The following NEBL variants were observed in gnomAD, a reference collection of about 807,000 sequenced individuals.
NEBL encodes the protein LIM and SH3 protein 2.
Under a neutral mutation model 140.2 loss-of-function variants are expected in NEBL, and 122 were observed. The ratio of observed to expected loss-of-function variants is 0.87; its 90% CI spans 0.75 to 1.01. The LOEUF (loss-of-function observed/expected upper bound fraction) is 1.01, where lower values mean the gene tolerates loss of function less well. Among genes scored for constraint, NEBL ranks in the 50% least tolerant of loss-of-function variants. The pLI is 0.00. For synonymous variants in NEBL, 436 were observed against 398.9 expected (o/e 1.09, Z -1.11); for missense variants, 1,365 against 1,231.3 (o/e 1.11, Z -1.62).
intron 3 of NEBL, among the ~76,000 whole-genome samples, chr10:21,223,613 A>G (rs1842103458): frequency 6.6e-6 from 1 of 152,132 alleles, no homozygotes. Flanking sequence ...CAGTTTTTTG[A>G]GGAACCTCCA....
At chr10:21,280,842 T>C (rs910348237) in intron 1 of NEBL, among the ~76,000 whole-genome samples, 5 of 152,108 alleles carry the variant, frequency 3.3e-5, no homozygotes, top group African/African-American at 1.2e-4. Flanking sequence ...CTCAAACTCC[T>C]GACCTCAGGT....
intron 2 of NEBL, among the ~76,000 whole-genome samples, chr10:21,168,685 T>C (rs1840905770): frequency 6.6e-6 from 1 of 152,078 alleles, no homozygotes; most frequent in Non-Finnish European, 1.5e-5. Flanking sequence ...TCTTAGTGCA[T>C]GCATGACGTA....
At chr10:21,067,074 G>A (rs1201238511) in intron 2 of NEBL, among the ~76,000 whole-genome samples, 3 of 142,852 alleles carry the variant, frequency 2.1e-5, no homozygotes, top group South Asian at 2.3e-4. Flanking sequence ...CCGGGTTCAC[G>A]CCATTCCCCT....
intron 2 of NEBL, among the ~76,000 whole-genome samples, chr10:21,053,389 A>C (rs1047194540): frequency 5.3e-5 from 8 of 152,104 alleles, no homozygotes; most frequent in Non-Finnish European, 1.2e-4. Flanking sequence ...ACTCATCCAC[A>C]CTCACAAGAG....
At position 21,173,696 on chromosome 10, in the gene NEBL, A is replaced by C; in HGVS notation, c.69+69T>G. 1 of 1,607,666 alleles carries C rather than the reference A, an allele frequency of 6.2e-7. No homozygotes were observed. Among genetic ancestry groups the C allele is most frequent in the African/African-American group, 1.3e-5 (1 of 74,974 alleles). ...CTCATTGCTTTCCATCCCAGGTGCCAAAACTTCTCGAAGCAGGTGCAGCCC... is the reference window on the plus strand; with the variant it reads ...CTCATTGCTTTCCATCCCAGGTGCCCAAACTTCTCGAAGCAGGTGCAGCCC... On this transcript the variant is annotated intron_variant, in intron 1 of 6. Transcript: ENST00000417816. The surrounding 1 kb of genome is among the most constrained non-coding windows in gnomAD (Gnocchi z 5.7).
In NEBL at chr10:20,823,303, G is replaced by A; in HGVS notation, c.1870-3C>T. On this transcript the variant is annotated splice_polypyrimidine_tract_variant and splice_region_variant and intron_variant, in intron 18 of 27. Coordinates refer to ENST00000377122, the MANE Select transcript of NEBL (RefSeq NM_006393.3). ...TTAATCTCTTCTTTGTATTTCACCTGCATAATTTATAAGAATATAACGTTA... is the reference window on the plus strand; with the variant it reads ...TTAATCTCTTCTTTGTATTTCACCTACATAATTTATAAGAATATAACGTTA... The A allele has an allele frequency of 6.3e-7, 1 of 1,589,706 alleles. No homozygotes were observed.
intron 5 of NEBL, among the ~76,000 whole-genome samples, chr10:20,877,702 C>T (rs1017874448): frequency 6.6e-6 from 1 of 152,126 alleles, no homozygotes; most frequent in Non-Finnish European, 1.5e-5. Context: ...GGCAAAGACC[C>T]CATTTGCATA....
intron 3 of NEBL, among the ~76,000 whole-genome samples, chr10:21,011,007 C>A (rs927454837): frequency 2.6e-5 from 4 of 152,074 alleles, no homozygotes; most frequent in African/African-American, 7.2e-5. Flanking sequence ...AATGGCAGGC[C>A]TGACAATTGC....
chr10:20,883,078 G>A (rs756735919), intron 4 of NEBL, among the ~76,000 whole-genome samples: 4 of 152,218 alleles, frequency 2.6e-5, no homozygotes, highest in Admixed American at 2.0e-4. Context: ...GCCCAAATCC[G>A]AATTTATCAA....
At chr10:21,290,048 G>C (rs1391343749) in intron 1 of NEBL, among the ~76,000 whole-genome samples, 1 of 152,164 alleles carries the variant, frequency 6.6e-6, no homozygotes, top group Non-Finnish European at 1.5e-5. Context: ...TGTTATGGGT[G>C]TTTTATAAAT....
At chr10:20,818,382 C>T (rs1838950066) in intron 20 of NEBL, among the ~76,000 whole-genome samples, 1 of 152,146 alleles carries the variant, frequency 6.6e-6, no homozygotes. Context: ...ACCAGAGAAA[C>T]AAACAGTGCT....
chr10:21,110,905 CA>C (rs1333372764), intron 2 of NEBL: 1 of 567,792 alleles, frequency 1.8e-6, no homozygotes, highest in Non-Finnish European at 3.4e-6. Flanking sequence ...AATGTCTGTA[CA>C]AAATCAATGT....
At chr10:20,885,308 G>A (rs1846409674) in intron 4 of NEBL, among the ~76,000 whole-genome samples, 1 of 152,192 alleles carries the variant, frequency 6.6e-6, no homozygotes. Flanking sequence ...TAAAATCGAT[G>A]TACGTAAATC....
chr10:21,200,279 G>C (rs1442182269), intron 3 of NEBL, among the ~76,000 whole-genome samples: 1 of 147,764 alleles, frequency 6.8e-6, no homozygotes, highest in Admixed American at 6.7e-5. Context: ...CATCCAAATT[G>C]GTTGTGTGAA....
At chr10:21,259,753 G>C (rs903394405) in intron 1 of NEBL, among the ~76,000 whole-genome samples, 1 of 152,060 alleles carries the variant, frequency 6.6e-6, no homozygotes, top group South Asian at 2.1e-4. Context: ...GATGGCTTCA[G>C]GGATGTGTAG....
chr10:21,170,878 T>A (rs1841041521), intron 2 of NEBL, among the ~76,000 whole-genome samples: 1 of 152,168 alleles, frequency 6.6e-6, no homozygotes, highest in Admixed American at 6.5e-5. Flanking sequence ...GAAGCATGAA[T>A]TAACCAAGGG....
chr10:21,078,210 T>C (rs988025818), intron 2 of NEBL, among the ~76,000 whole-genome samples: 1 of 152,204 alleles, frequency 6.6e-6, no homozygotes, highest in African/African-American at 2.4e-5. Flanking sequence ...CAAAATAGAC[T>C]CTTTCTAATG....
At chr10:20,961,563 A>G in intron 4 of NEBL, 1 of 830,922 alleles carries the variant, frequency 1.2e-6, no homozygotes, top group Non-Finnish European at 2.1e-6. Context: ...TGCACTGAGT[A>G]CTGCTTGCAC....
intron 26 of NEBL, among the ~76,000 whole-genome samples, chr10:20,804,797 T>G (rs961042988): frequency 6.6e-6 from 1 of 152,110 alleles, no homozygotes; most frequent in Non-Finnish European, 1.5e-5. Context: ...CAGATATGGG[T>G]CTTGTACGCA....
Sources: allele counts gnomAD v4.1 joint callset (sites outside exome capture counted in the v4.1 genomes callset), GRCh38; gene constraint gnomAD v4.1.1; non-coding constraint Gnocchi (gnomAD v3.1); transcripts MANE v1.5; gene names NCBI Gene and HGNC (gene_info 2026-07-23, HGNC 2026-07-21).